Variants in RBCK1 observed in about 807,000 individuals in gnomAD.
RBCK1 encodes the protein ranBP-type and C3HC4-type zinc finger-containing protein 1.
In RBCK1, 44 loss-of-function variants were observed where a neutral mutation model predicts 71.1. The ratio of observed to expected loss-of-function variants is 0.62; its 90% CI spans 0.49 to 0.80. RBCK1 has a LOEUF of 0.80. Ranked by LOEUF, RBCK1 falls within the 30% of genes least tolerant of loss-of-function variation. The probability of loss-of-function intolerance (pLI) is 0.00; values close to 1 mark genes in which losing one functional copy is unlikely to be tolerated. For synonymous variants in RBCK1, 306 were observed against 279.7 expected (o/e 1.09, Z -0.94); for missense variants, 569 against 685.0 (o/e 0.83, Z 1.89).
At chr20:415,985 C>T (rs1457830372) in intron 2 of RBCK1, among the ~76,000 whole-genome samples, 1 of 152,098 alleles carries the variant, frequency 6.6e-6, no homozygotes, top group Non-Finnish European at 1.5e-5. Context: ...GGGAGCTGCC[C>T]CTATGACCCA....
chr20:408,508 C>T lies in RBCK1; in HGVS notation c.-250C>T. ...CGGCTGGTCCCGTTTCCTCCTGCGC[C>T]CAGTGCGGACCTGTCTCGGCGCCCG... On this transcript the variant is annotated 5_prime_UTR_variant, in exon 1 of 12. Coordinates refer to ENST00000356286, the MANE Select transcript of RBCK1 (RefSeq NM_031229.4). 1 of 571,468 alleles carries T rather than the reference C, an allele frequency of 1.7e-6. No individual in the cohort carries two copies. Among genetic ancestry groups the T allele is most frequent in the East Asian group, 3.2e-5 (1 of 31,366 alleles). The allele number at this position is 571,468 out of a possible 1,614,324, so 35.4% of individuals were successfully genotyped here.
chr20:410,263 A>T (rs905290153), intron 2 of RBCK1: 5 of 643,254 alleles, frequency 7.8e-6, no homozygotes, highest in Non-Finnish European at 1.4e-5. Context: ...GGTGTACTGT[A>T]TTAGGATGTT....
Position 431,697 on chromosome 20 carries a change from T to C in RBCK1, c.*1267T>C, listed in dbSNP as rs2017019183. On this transcript the variant is annotated 3_prime_UTR_variant, in exon 12 of 12. Coordinates refer to ENST00000356286, the MANE Select transcript of RBCK1 (RefSeq NM_031229.4). This position sits in a 1 kb window ranked among gnomAD's most constrained non-coding sequence, Gnocchi z 4.8. ...GGACTCAAGAGCTGGCCCCAGTCACTGTGCGCAGAGCTGTCTGAGAATGTG... is the reference window on the plus strand; with the variant it reads ...GGACTCAAGAGCTGGCCCCAGTCACCGTGCGCAGAGCTGTCTGAGAATGTG... Among the ~76,000 whole-genome samples the C allele has an allele frequency of 6.6e-6, 1 of 152,208 alleles. No individual in the cohort carries two copies. Among genetic ancestry groups the C allele is most frequent in the African/African-American group, 2.4e-5 (1 of 41,464 alleles).
At chr20:418,590 G>A (rs144851771) in intron 4 of RBCK1, among the ~76,000 whole-genome samples, 1,634 of 152,114 alleles carry the variant, frequency 0.011, 26 homozygotes, top group African/African-American at 0.034. Flanking sequence ...GGATGGTCTC[G>A]ATCTCCTGAC....
In RBCK1 at chr20:417,502, C is replaced by T. The variant is rs2016066213; in HGVS notation, c.168-24C>T. 2.5e-6 allele frequency: 4 copies of T among 1,609,896 alleles called. No homozygotes were observed. Among genetic ancestry groups the T allele is most frequent in the Non-Finnish European group, 3.4e-6 (4 of 1,177,978 alleles). On this transcript the variant is annotated intron_variant, in intron 2 of 11. Coordinates refer to ENST00000356286, the MANE Select transcript of RBCK1 (RefSeq NM_031229.4). The surrounding 1 kb of genome is among the most constrained non-coding windows in gnomAD (Gnocchi z 4.7). ...GCTGGACCCCTGGCCAGAGCCCATGCTGAGCCCCTGCTGTTCTCTGCAGGC... is the reference window on the plus strand; with the variant it reads ...GCTGGACCCCTGGCCAGAGCCCATGTTGAGCCCCTGCTGTTCTCTGCAGGC...
intron 2 of RBCK1, chr20:410,556 G>C (rs748085439): frequency 2.2e-5 from 17 of 779,626 alleles, no homozygotes; most frequent in Admixed American, 2.0e-4. Context: ...CTGTGGACCA[G>C]AACTGATTCC....
intron 1 of RBCK1, 141 bp from the exon 2 acceptor site, chr20:409,740 G>C: frequency 7.8e-7 from 1 of 1,278,642 alleles, no homozygotes; most frequent in East Asian, 2.4e-5. Context: ...TTTTAGTCTG[G>C]GTGCTGAAGG....
chr20:413,645 C>A (rs2015826088), intron 2 of RBCK1, among the ~76,000 whole-genome samples: 1 of 152,106 alleles, frequency 6.6e-6, no homozygotes. Flanking sequence ...GGCCTGTGGA[C>A]CACAACATGG....
intron 6 of RBCK1, chr20:420,419 C>T (rs904853549): frequency 1.0e-6 from 1 of 984,682 alleles, no homozygotes; most frequent in Non-Finnish European, 1.2e-6. Flanking sequence ...CACTCCTGTT[C>T]CCGTCTCAGC....
intron 2 of RBCK1, among the ~76,000 whole-genome samples, chr20:412,389 C>T (rs912420981): frequency 1.3e-5 from 2 of 151,494 alleles, no homozygotes; most frequent in Non-Finnish European, 2.9e-5. Context: ...GGTGCAATCT[C>T]GGCTCACTGC....
intron 1 of RBCK1, among the ~76,000 whole-genome samples, chr20:409,466 CTT>C (rs11475730): frequency 4.1e-5 from 6 of 147,392 alleles, no homozygotes; most frequent in African/African-American, 1.2e-4. Flanking sequence ...CGCAATCTGA[CTT>C]TTTTTTTTTT....
chr20:428,888 G>T lies in RBCK1; in HGVS notation c.1309-63G>T. ...GGTCACCACCTTCTCCCTGCCATGG[G>T]GAGGGGCCAGGCTGGGTGACTGCCC... On this transcript the variant is annotated intron_variant, in intron 10 of 11. Coordinates refer to ENST00000356286, the MANE Select transcript of RBCK1 (RefSeq NM_031229.4). This position sits in a 1 kb window ranked among gnomAD's most constrained non-coding sequence, Gnocchi z 5.7. The T allele has an allele frequency of 6.5e-7, 1 of 1,529,178 alleles. No homozygotes were observed. Among genetic ancestry groups the T allele is most frequent in the Admixed American group, 2.0e-5 (1 of 49,468 alleles). 94.7% of individuals were successfully genotyped at this position (1,529,178 alleles called of 1,614,324 possible).
rs1352315141 is a variant in RBCK1, at chr20:410,622, T to C, written c.167+597T>C. The C allele has an allele frequency of 3.9e-6, 3 of 766,788 alleles. No homozygotes were observed. The East Asian group carries it at 7.3e-5, about 19-fold the overall frequency. The allele number at this position is 766,788 out of a possible 1,614,324, so 47.5% of individuals were successfully genotyped here. ...GTATAGCCAAGATATTCAGCTAGAATTCAGGGGTTCGCTTGGTAAGGGAAG... is the reference window on the plus strand; with the variant it reads ...GTATAGCCAAGATATTCAGCTAGAACTCAGGGGTTCGCTTGGTAAGGGAAG... On this transcript the variant is annotated intron_variant, in intron 2 of 11. Transcript: ENST00000356286.
chr20:425,802 T>A (rs1225381484), intron 8 of RBCK1, among the ~76,000 whole-genome samples: 1 of 152,066 alleles, frequency 6.6e-6, no homozygotes, highest in Non-Finnish European at 1.5e-5. Flanking sequence ...AATTTTTGTA[T>A]TTTTAGTAGA....
Position 408,684 on chromosome 20 carries a change from C to G in RBCK1, c.-74C>G. The G allele has an allele frequency of 6.3e-7, 1 of 1,589,682 alleles. No homozygotes were observed. The highest frequency in any genetic ancestry group is 8.6e-7 in the Non-Finnish European group (1 of 1,168,234). On this transcript the variant is annotated 5_prime_UTR_variant, in exon 1 of 12. Coordinates refer to ENST00000356286, the MANE Select transcript of RBCK1 (RefSeq NM_031229.4). Reference sequence around the variant, plus strand: ...CTGAGTTGCTCCTGGTCTCCCGCCTCTCCCAGGCGACCCGGAGGTAGCATT... The same window carrying G: ...CTGAGTTGCTCCTGGTCTCCCGCCTGTCCCAGGCGACCCGGAGGTAGCATT...
At position 421,050 on chromosome 20, in the gene RBCK1, C is replaced by A; in HGVS notation, c.917+19C>A. 6.6e-7 allele frequency: 1 copy of A among 1,525,880 alleles called. No individual in the cohort carries two copies. Among genetic ancestry groups the A allele is most frequent in the Non-Finnish European group, 8.8e-7 (1 of 1,132,668 alleles). 94.5% of individuals were successfully genotyped at this position (1,525,880 alleles called of 1,614,324 possible). On this transcript the variant is annotated intron_variant, in intron 7 of 11. Transcript: ENST00000356286. ...TCTGCAGGTGCGGCCCCCAGTCCCA[C>A]CCCCGGCAATGCAGCTTAATCAAAG...
Position 422,364 on chromosome 20 carries a change from C to A in RBCK1, c.1029+126C>A. The A allele has an allele frequency of 1.3e-6, 1 of 743,590 alleles. No individual in the cohort carries two copies. Among genetic ancestry groups the A allele is most frequent in the Non-Finnish European group, 2.3e-6 (1 of 443,456 alleles). The allele number at this position is 743,590 out of a possible 1,614,324, so 46.1% of individuals were successfully genotyped here. A position where few individuals can be genotyped will look rare whatever the true frequency, so the allele number is the denominator to read the frequency against. On this transcript the variant is annotated intron_variant, in intron 8 of 11. Coordinates refer to ENST00000356286, the MANE Select transcript of RBCK1 (RefSeq NM_031229.4). This position sits in a 1 kb window ranked among gnomAD's most constrained non-coding sequence, Gnocchi z 5.0. ...TGGAGATGGGGTCTCACTATGTTGT[C>A]CAAGCTGGTCTCAAACTCCTGGGCT...
rs924836856 is a variant in RBCK1 at position 428,129 on chromosome 20, T to A, written c.1210-362T>A. 6.6e-6 allele frequency among the ~76,000 whole-genome samples: 1 copy of A among 152,182 alleles called. No individual in the cohort carries two copies. The highest frequency in any genetic ancestry group is 2.1e-4 in the South Asian group (1 of 4,828). ...CTGAGCAAGCTCAGTCTGGGGTCAT[T>A]GGGCCTGTAACCCCGGGCAGGCCCT... On this transcript the variant is annotated intron_variant, in intron 9 of 11. Transcript: ENST00000356286. This position sits in a 1 kb window ranked among gnomAD's most constrained non-coding sequence, Gnocchi z 5.7.
chr20:422,263 AC>A lies in RBCK1; in HGVS notation c.1029+29del, dbSNP rs776087537. On this transcript the variant is annotated intron_variant, in intron 8 of 11. Coordinates refer to ENST00000356286, the MANE Select transcript of RBCK1 (RefSeq NM_031229.4). The surrounding 1 kb of genome is among the most constrained non-coding windows in gnomAD (Gnocchi z 5.0). ...GGTAAGGCCTCAGGGTGGGAGACAT[AC>A]CCCAAGTCCCAACTCCTAAGGAACT... The A allele has an allele frequency of 1.3e-6, 2 of 1,595,984 alleles. No individual in the cohort carries two copies. Among genetic ancestry groups the A allele is most frequent in the South Asian group, 2.2e-5 (2 of 90,712 alleles).
Sources: gnomAD v4.1 joint callset for allele counts (sites outside exome capture counted in the v4.1 genomes callset) on GRCh38, gnomAD v4.1.1 for gene constraint, Gnocchi (gnomAD v3.1) non-coding constraint, MANE v1.5 for transcripts, NCBI Gene and HGNC (gene_info 2026-07-23, HGNC 2026-07-21) for gene names.